Variants in FAM168A observed in about 807,000 individuals in gnomAD.
FAM168A encodes the protein protein FAM168A.
In FAM168A, 3 loss-of-function variants were observed where a neutral mutation model predicts 28.5. The observed-to-expected ratio is 0.11, with a 90% CI of 0.05 to 0.27. The LOEUF (loss-of-function observed/expected upper bound fraction) is 0.27. Ranked by LOEUF, FAM168A falls within the 10% of genes least tolerant of loss-of-function variation. FAM168A has a pLI of 1.00. For missense variants in FAM168A, 222 were observed against 311.5 expected (o/e 0.71, Z 2.16); for synonymous variants, 122 against 124.2 (o/e 0.98, Z 0.12).
intron 1 of FAM168A, among the ~76,000 whole-genome samples, chr11:73,515,125 G>A (rs1304556264): frequency 6.6e-6 from 1 of 152,102 alleles, no homozygotes; most frequent in Non-Finnish European, 1.5e-5. Context: ...GCTCCCTCTG[G>A]CCCATTTATA....
chr11:73,409,449 A>G (rs1345624146), intron 6 of FAM168A, 38 bp downstream of exon 6: 1 of 1,608,844 alleles, frequency 6.2e-7, no homozygotes, highest in East Asian at 2.2e-5. Context: ...GAGTTCCTAG[A>G]GGAAAGGGAT....
rs1195554831 is a variant in FAM168A, at chr11:73,406,487, A to G, written c.*276T>C. 3.3e-5 allele frequency: 5 copies of G among 152,318 alleles called. No homozygotes were observed. Among genetic ancestry groups the G allele is most frequent in the Admixed American group, 3.3e-4 (5 of 15,286 alleles). 9.4% of individuals were successfully genotyped at this position (152,318 alleles called of 1,614,324 possible). Reference sequence around the variant, plus strand: ...GGACACTTAGGGAAGAGCAGAGAGGACATGGCCTGGTCAGGTAGGAGGAAG... The same window carrying G: ...GGACACTTAGGGAAGAGCAGAGAGGGCATGGCCTGGTCAGGTAGGAGGAAG... On this transcript the variant is annotated 3_prime_UTR_variant, in exon 8 of 8. Coordinates refer to ENST00000356467, the MANE Select transcript of FAM168A (RefSeq NM_015159.3).
At chr11:73,453,340 T>C (rs1355134397) in intron 2 of FAM168A, among the ~76,000 whole-genome samples, 1 of 152,236 alleles carries the variant, frequency 6.6e-6, no homozygotes, top group Non-Finnish European at 1.5e-5. Flanking sequence ...ATCTGGTTCC[T>C]GACCAGAATC....
At chr11:73,442,631 T>C (rs1738408242) in intron 2 of FAM168A, among the ~76,000 whole-genome samples, 1 of 152,114 alleles carries the variant, frequency 6.6e-6, no homozygotes, top group Non-Finnish European at 1.5e-5. Context: ...TTTGTTCCAC[T>C]GCAGTCACAG....
chr11:73,477,696 C>CA (rs113811185), intron 1 of FAM168A, among the ~76,000 whole-genome samples: 16,924 of 152,070 alleles, frequency 0.11, 994 homozygotes, highest in African/African-American at 0.13. Flanking sequence ...AAAAAACAAA[C>CA]AAAAAACCTG....
intron 1 of FAM168A, among the ~76,000 whole-genome samples, chr11:73,538,938 T>C (rs751591570): frequency 1.4e-4 from 22 of 152,202 alleles, no homozygotes; most frequent in Non-Finnish European, 5.9e-5. Context: ...GATTTGACTA[T>C]CAAAGTATTT....
chr11:73,547,144 A>G (rs1943767618), intron 1 of FAM168A, among the ~76,000 whole-genome samples: 1 of 146,966 alleles, frequency 6.8e-6, no homozygotes, highest in Non-Finnish European at 1.5e-5. Flanking sequence ...AAGGAGGAGG[A>G]GTAGGCAGAG....
chr11:73,483,891 G>A (rs1868002160), intron 1 of FAM168A, among the ~76,000 whole-genome samples: 1 of 152,230 alleles, frequency 6.6e-6, no homozygotes, highest in Non-Finnish European at 1.5e-5. Flanking sequence ...TAGCAGAAGA[G>A]TCCAGCAAGA....
Position 73,470,146 on chromosome 11 carries a change from G to A in FAM168A, c.-18-1654C>T, listed in dbSNP as rs564529966. ...AGGATGGTCTCGAACTCCTGACCTC[G>A]TGATCCACCCACCTCAGCCTCCCAA... On this transcript the variant is annotated intron_variant, in intron 1 of 7. Transcript: ENST00000356467. Among the ~76,000 whole-genome samples, 8 of 152,158 alleles carry A rather than the reference G, an allele frequency of 5.3e-5. No individual in the cohort carries two copies. The South Asian group carries it at 6.3e-4, about 12-fold the overall frequency.
At chr11:73,542,721 A>C (rs750356625) in intron 1 of FAM168A, among the ~76,000 whole-genome samples, 2 of 152,158 alleles carry the variant, frequency 1.3e-5, no homozygotes, top group Non-Finnish European at 2.9e-5. Flanking sequence ...TTACCAGGTA[A>C]TCTAGCTCCC....
At chr11:73,474,297 G>A (rs1250368661) in intron 1 of FAM168A, among the ~76,000 whole-genome samples, 1 of 151,896 alleles carries the variant, frequency 6.6e-6, no homozygotes, top group Non-Finnish European at 1.5e-5. Flanking sequence ...GCAAGAGAGA[G>A]AATCTATTCC....
intron 1 of FAM168A, among the ~76,000 whole-genome samples, chr11:73,540,744 A>G (rs559166399): frequency 6.6e-6 from 1 of 152,028 alleles, no homozygotes; most frequent in Non-Finnish European, 1.5e-5. Context: ...ATTTTTTATT[A>G]TGGCCCTTAC....
intron 2 of FAM168A, among the ~76,000 whole-genome samples, chr11:73,462,486 C>G (rs1867664565): frequency 6.6e-6 from 1 of 152,142 alleles, no homozygotes; most frequent in Non-Finnish European, 1.5e-5. Context: ...TATTGAGTGT[C>G]AGTTTTGCAA....
At position 73,500,380 on chromosome 11, in the gene FAM168A, TC is replaced by T. The variant is rs1218266656; in HGVS notation, c.-18-31889del. The stretch of plus-strand genomic sequence containing the variant: ...TTCAAGGGATTCTCCTGCCTCAGCC[TC>T]CCAAGTAACTGGGACTACAGGTGCC... On this transcript the variant is annotated intron_variant, in intron 1 of 7. Coordinates refer to ENST00000356467, the MANE Select transcript of FAM168A (RefSeq NM_015159.3). Among the ~76,000 whole-genome samples the T allele has an allele frequency of 2.7e-5, 4 of 149,602 alleles. No individual in the cohort carries two copies. The East Asian group carries it at 8.1e-4, about 30-fold the overall frequency.
Position 73,402,448 on chromosome 11 carries a change from C to T in FAM168A, c.*4315G>A, listed in dbSNP as rs1866429075. On this transcript the variant is annotated 3_prime_UTR_variant, in exon 8 of 8. Transcript: ENST00000356467. ...ACTTCATGTGATTCCTTTCTGAAGG[C>T]CATCAGAACAAAGCAAGCCCTCCAA... The T allele has an allele frequency of 6.6e-6, 1 of 152,168 alleles. No homozygotes were observed. The highest frequency in any genetic ancestry group is 2.1e-4 in the South Asian group (1 of 4,828). 9.4% of individuals were successfully genotyped at this position (152,168 alleles called of 1,614,324 possible).
intron 2 of FAM168A, among the ~76,000 whole-genome samples, chr11:73,445,228 C>T (rs1867279742): frequency 6.7e-6 from 1 of 150,294 alleles, no homozygotes. Flanking sequence ...CATTGCACTC[C>T]AGCCTGGGCA....
intron 5 of FAM168A, chr11:73,410,381 CTGGG>C (rs1419056685): frequency 2.0e-5 from 3 of 151,252 alleles, no homozygotes; most frequent in African/African-American, 7.3e-5. Context: ...GCACTCCAGC[CTGGG>C]TGACAGAGCA....
chr11:73,457,182 G>A (rs1867547646), intron 2 of FAM168A, among the ~76,000 whole-genome samples: 1 of 151,950 alleles, frequency 6.6e-6, no homozygotes, highest in Admixed American at 6.6e-5. Context: ...AAAGCCAGAA[G>A]TTTGAGATCA....
chr11:73,431,433 C>G (rs965141298), intron 2 of FAM168A, among the ~76,000 whole-genome samples: 1 of 151,638 alleles, frequency 6.6e-6, no homozygotes, highest in African/African-American at 2.4e-5. Context: ...TCCTGCCGCA[C>G]TACTCTCCTC....
Sources: allele counts gnomAD v4.1 joint callset (sites outside exome capture counted in the v4.1 genomes callset), GRCh38; gene constraint gnomAD v4.1.1; transcripts MANE v1.5; gene names NCBI Gene and HGNC (gene_info 2026-07-23, HGNC 2026-07-21).